The following MEPCE variants were observed in gnomAD, a reference collection of about 807,000 sequenced individuals.
The protein encoded by MEPCE is 7SK snRNA methylphosphate capping enzyme.
MEPCE carries 9 observed loss-of-function variants against 52.3 expected under a neutral mutation model. The ratio of observed to expected loss-of-function variants is 0.17; its 90% CI spans 0.10 to 0.30. The LOEUF is 0.30. Ranked by LOEUF, MEPCE falls within the 10% of genes least tolerant of loss-of-function variation. MEPCE has a pLI of 1.00. For synonymous variants in MEPCE, 477 were observed against 401.6 expected, an observed-to-expected ratio of 1.19 and a Z score of -2.25; for missense variants, 826 against 933.0, an observed-to-expected ratio of 0.89 and a Z score of 1.49.
In MEPCE at chr7:100,429,877, G is replaced by A; in HGVS notation, c.-142G>A. 1.5e-6 allele frequency: 1 copy of A among 664,894 alleles called. No individual in the cohort carries two copies. Among genetic ancestry groups the A allele is most frequent in the Non-Finnish European group, 2.1e-6 (1 of 470,322 alleles). 41.2% of individuals were successfully genotyped at this position (664,894 alleles called of 1,614,324 possible). On this transcript the variant is annotated 5_prime_UTR_variant, in exon 1 of 4. Coordinates refer to ENST00000310512, the MANE Select transcript of MEPCE (RefSeq NM_019606.6). Reference sequence around the variant, plus strand: ...CTAGTAGGGCGCACTTGGCGGGGAGGCGCTTGGGCGCGAGACTAGGCGTGA... The same window carrying A: ...CTAGTAGGGCGCACTTGGCGGGGAGACGCTTGGGCGCGAGACTAGGCGTGA...
Position 100,433,930 on chromosome 7 carries a change from G to A in MEPCE, c.*376G>A. 4.3e-6 allele frequency: 1 copy of A among 235,250 alleles called. No individual in the cohort carries two copies. Among genetic ancestry groups the A allele is most frequent in the Non-Finnish European group, 8.4e-6 (1 of 118,980 alleles). 14.6% of individuals were successfully genotyped at this position (235,250 alleles called of 1,614,324 possible). On this transcript the variant is annotated 3_prime_UTR_variant, in exon 4 of 4. Transcript: ENST00000310512. Reference sequence around the variant, plus strand: ...CATTTCTCCTCGGCCATTGTACCTAGCTCTTGTCCCTAGCTGCATTTCAGT... The same window carrying A: ...CATTTCTCCTCGGCCATTGTACCTAACTCTTGTCCCTAGCTGCATTTCAGT...
intron 3 of MEPCE, 26 bp from the exon 4 acceptor site, chr7:100,433,476 C>T (rs780958078): frequency 1.9e-6 from 3 of 1,613,994 alleles, no homozygotes; most frequent in African/African-American, 1.3e-5. Flanking sequence ...CTGCCAACCC[C>T]TTCTGATCAC....
At chr7:100,432,885 C>G (rs759340381) in intron 1 of MEPCE, 34 bp from the exon 2 acceptor site, 1 of 1,599,122 alleles carries the variant, frequency 6.3e-7, no homozygotes. Context: ...CTTTGATTCC[C>G]TCAGTTGACC....
chr7:100,430,532 C>T lies in MEPCE; in HGVS notation c.514C>T (p.Arg172Trp). The T allele has an allele frequency of 1.3e-6, 2 of 1,584,002 alleles. No homozygotes were observed. Among genetic ancestry groups the T allele is most frequent in the Non-Finnish European group, 1.7e-6 (2 of 1,164,508 alleles). The change falls in exon 1 of 4, where the codon CGG (arginine) becomes TGG (tryptophan). Residue 172 changes from arginine (R) to tryptophan (W), a missense_variant. Physicochemically the swap from Arg to Trp is moderately radical, Grantham distance 101. This residue lies in a region of MEPCE where 314 missense variants were observed against 277.7 expected (regional missense o/e 1.13). Coordinates refer to ENST00000310512, the MANE Select transcript of MEPCE (RefSeq NM_019606.6). The part of the protein sequence containing the change: ...FKHPAFKRRR[R>W]VNSDCDSVLP... ...ACATCCGGCCTTCAAGAGGCGCAGGCGGGTGAATTCGGACTGTGACTCTGT... is the reference window on the plus strand; with the variant it reads ...ACATCCGGCCTTCAAGAGGCGCAGGTGGGTGAATTCGGACTGTGACTCTGT...
chr7:100,430,032 C>T lies in MEPCE; in HGVS notation c.14C>T (p.Ala5Val). 1 of 1,271,384 alleles carries T rather than the reference C, an allele frequency of 7.9e-7. No homozygotes were observed. Among genetic ancestry groups the T allele is most frequent in the Non-Finnish European group, 9.9e-7 (1 of 1,009,222 alleles). 78.8% of individuals were successfully genotyped at this position (1,271,384 alleles called of 1,614,324 possible). A position where few individuals can be genotyped will look rare whatever the true frequency, so the allele number is the denominator to read the frequency against. The change falls in exon 1 of 4, where the codon GCG becomes GTG. Residue 5 changes from alanine (A) to valine (V), a missense_variant. Physicochemically the swap from Ala to Val is moderately conservative, Grantham distance 64. Coordinates refer to ENST00000310512, the MANE Select transcript of MEPCE (RefSeq NM_019606.6). ...TAAGGGGAGGAAATGATCGAGATGG[C>T]GGCGGAGAAGGAGCCGTTTCTGGTG... MIEMAAEKEPFLVPA... is the reference protein window; with the variant it reads MIEMVAEKEPFLVPA...
In MEPCE at chr7:100,431,156, G is replaced by A; in HGVS notation, c.1138G>A (p.Gly380Ser). 1 of 1,613,706 alleles carries A rather than the reference G, an allele frequency of 6.2e-7. No individual in the cohort carries two copies. The highest frequency in any genetic ancestry group is 8.5e-7 in the Non-Finnish European group (1 of 1,180,036). Reference protein sequence around the residue: ...SKSEAGARGGGQGSKEKGRGS... With the variant: ...SKSEAGARGGSQGSKEKGRGS... ...GTCGGAGGCAGGGGCTAGGGGTGGAGGCCAGGGTTCCAAGGAAAAGGGCCG... is the reference window on the plus strand; with the variant it reads ...GTCGGAGGCAGGGGCTAGGGGTGGAAGCCAGGGTTCCAAGGAAAAGGGCCG... The change falls in exon 1 of 4, where the codon GGC becomes AGC. Residue 380 changes from glycine to serine, a missense_variant. By Grantham distance (56) the Gly-to-Ser change is moderately conservative (BLOSUM62 0). This residue lies in a region of MEPCE where 307 missense variants were observed against 292.1 expected (regional missense o/e 1.05). Coordinates refer to ENST00000310512, the MANE Select transcript of MEPCE (RefSeq NM_019606.6).
upstream of MEPCE, chr7:100,429,321 A>G (rs1798381483): frequency 6.6e-6 from 1 of 152,188 alleles, no homozygotes; most frequent in Non-Finnish European, 1.5e-5. Context: ...CGCCAGTTTC[A>G]GCACGTGCTG....
Position 100,429,990 on chromosome 7 carries a change from C to T in MEPCE, c.-29C>T, listed in dbSNP as rs1052535137. 5.6e-6 allele frequency: 7 copies of T among 1,243,124 alleles called. No homozygotes were observed. The Middle Eastern group carries it at 6.6e-4, about 117-fold the overall frequency. The allele number at this position is 1,243,124 out of a possible 1,614,324, so 77.0% of individuals were successfully genotyped here. A position where few individuals can be genotyped will look rare whatever the true frequency, so the allele number is the denominator to read the frequency against. The stretch of plus-strand genomic sequence containing the variant: ...TTAGGCCCCCTGATCCCCCTCGTTA[C>T]CCCGACTGGCACGGAATAAGGGGAG... On this transcript the variant is annotated 5_prime_UTR_variant, in exon 1 of 4. Coordinates refer to ENST00000310512, the MANE Select transcript of MEPCE (RefSeq NM_019606.6).
chr7:100,433,780 C>T lies in MEPCE; in HGVS notation c.*226C>T, dbSNP rs1282484184. 3.4e-6 allele frequency: 2 copies of T among 581,386 alleles called. No individual in the cohort carries two copies. Among genetic ancestry groups the T allele is most frequent in the African/African-American group, 1.9e-5 (1 of 53,658 alleles). 36.0% of individuals were successfully genotyped at this position (581,386 alleles called of 1,614,324 possible). A position where few individuals can be genotyped will look rare whatever the true frequency, so the allele number is the denominator to read the frequency against. On this transcript the variant is annotated 3_prime_UTR_variant, in exon 4 of 4. Transcript: ENST00000310512. Reference sequence around the variant, plus strand: ...GCTGGAGTCACCATCATCTTCCTCTCCCCCAGCCTCCCAGGCTGGATGGCA... The same window carrying T: ...GCTGGAGTCACCATCATCTTCCTCTTCCCCAGCCTCCCAGGCTGGATGGCA...
chr7:100,430,962 C>T lies in MEPCE; in HGVS notation c.944C>T (p.Pro315Leu). The change falls in exon 1 of 4, where the codon CCC becomes CTC. Residue 315 changes from proline (P) to leucine (L), a missense_variant. Transcript: ENST00000310512. ...GGCCAGAACCGGGATGCCCCCCAAC[C>T]CTATGAACTCAACACAGCCATCAAC... is the stretch of plus-strand genomic sequence containing the variant. Reference protein sequence around the residue: ...HRGQNRDAPQPYELNTAINCR... With the variant: ...HRGQNRDAPQLYELNTAINCR... 1.9e-6 allele frequency: 3 copies of T among 1,610,292 alleles called. No individual in the cohort carries two copies. The highest frequency in any genetic ancestry group is 2.5e-6 in the Non-Finnish European group (3 of 1,177,718).
In MEPCE at chr7:100,433,038, G is replaced by A. The variant is rs564051969; in HGVS notation, c.1791G>A (p.Lys597=). The change falls in exon 2 of 4, where the codon AAG becomes AAA. Residue 597 remains lysine, a synonymous_variant. Coordinates refer to ENST00000310512, the MANE Select transcript of MEPCE (RefSeq NM_019606.6). ...TGAACTGGGGAGACGAGGGCCTGAA[G>A]CGCATGTTTCGCCGGATCTACCGGC... ...VHLNWGDEGL[K]RMFRRIYRHL... 5.0e-6 allele frequency: 8 copies of A among 1,614,050 alleles called. No individual in the cohort carries two copies. In the African/African-American group the frequency reaches 5.3e-5, roughly 11 times the overall value.
upstream of MEPCE, chr7:100,429,680 A>T (rs1798465481): frequency 3.9e-6 from 1 of 254,838 alleles, no homozygotes; most frequent in Non-Finnish European, 7.5e-6. Context: ...ATGCGCGCGC[A>T]ACCAGGGTGG....
intron 1 of MEPCE, 91 bp from the exon 2 acceptor site, chr7:100,432,828 C>T (rs1284993384): frequency 1.1e-5 from 13 of 1,169,508 alleles, no homozygotes; most frequent in South Asian, 2.6e-5. Context: ...AAAGTGAGGC[C>T]GCGGGACTGT....
Position 100,430,348 on chromosome 7 carries a change from G to A in MEPCE, c.330G>A (p.Pro110=). The part of the protein sequence containing the change: ...LSDPPGRAAP[P]DVGEERRGGG... ...ATCCCCCGGGGCGAGCCGCTCCCCCGGACGTGGGGGAGGAGCGCCGGGGAG... is the reference window on the plus strand; with the variant it reads ...ATCCCCCGGGGCGAGCCGCTCCCCCAGACGTGGGGGAGGAGCGCCGGGGAG... The change falls in exon 1 of 4, where the codon CCG becomes CCA. Residue 110 remains proline, a synonymous_variant. Transcript: ENST00000310512. 2 of 1,429,210 alleles carry A rather than the reference G, an allele frequency of 1.4e-6. No individual in the cohort carries two copies. The highest frequency in any genetic ancestry group is 1.8e-6 in the Non-Finnish European group (2 of 1,094,356). The allele number at this position is 1,429,210 out of a possible 1,614,324, so 88.5% of individuals were successfully genotyped here.
chr7:100,429,731 C>T (rs1306356702), upstream of MEPCE: 8 of 335,998 alleles, frequency 2.4e-5, no homozygotes, highest in East Asian at 3.5e-4. Flanking sequence ...GAAGGGAACG[C>T]GCGCTCACCG....
chr7:100,432,701 T>G (rs552201436), intron 1 of MEPCE, among the ~76,000 whole-genome samples: 1 of 152,326 alleles, frequency 6.6e-6, no homozygotes, highest in African/African-American at 2.4e-5. Flanking sequence ...CGTCGACCTT[T>G]TTTGGCTTAC....
chr7:100,432,806 TGGCCACGGGCTAAAGTGA>T (rs1380995776), intron 1 of MEPCE, 95 bp from the exon 2 acceptor site: 20 of 912,184 alleles, frequency 2.2e-5, no homozygotes, highest in Non-Finnish European at 3.3e-5. Context: ...GAGAAGAAAG[TGGCCACGGGCTAAAGTGA>T]GGCCGCGGGA....
rs747008637 is a variant in MEPCE at position 100,430,947 on chromosome 7, G to A, written c.929G>A (p.Arg310Gln). The A allele has an allele frequency of 2.5e-6, 4 of 1,608,388 alleles. No homozygotes were observed. The highest frequency in any genetic ancestry group is 2.5e-6 in the Non-Finnish European group (3 of 1,176,480). The change falls in exon 1 of 4, where the codon CGG becomes CAG. Residue 310 changes from arginine to glutamine, a missense_variant. By Grantham distance (43) the Arg-to-Gln change is conservative. Transcript: ENST00000310512. ...SQQPRHRGQNRDAPQPYELNT... is the reference protein window; with the variant it reads ...SQQPRHRGQNQDAPQPYELNT... ...CAGCCGCGGCACAGGGGCCAGAACC[G>A]GGATGCCCCCCAACCCTATGAACTC...
chr7:100,429,969 G>GC lies in MEPCE; in HGVS notation c.-45dup, dbSNP rs1343394052. The GC allele has an allele frequency of 1.7e-6, 2 of 1,204,536 alleles. No individual in the cohort carries two copies. Among genetic ancestry groups the GC allele is most frequent in the Non-Finnish European group, 2.1e-6 (2 of 958,962 alleles). The allele number at this position is 1,204,536 out of a possible 1,614,324, so 74.6% of individuals were successfully genotyped here. The stretch of plus-strand genomic sequence containing the variant: ...GCAGGGTCCAGGCAGGGGGGGTTAG[G>GC]CCCCCTGATCCCCCTCGTTACCCCG... On this transcript the variant is annotated 5_prime_UTR_variant, in exon 1 of 4. Coordinates refer to ENST00000310512, the MANE Select transcript of MEPCE (RefSeq NM_019606.6).
Sources: allele counts gnomAD v4.1 joint callset (sites outside exome capture counted in the v4.1 genomes callset), GRCh38; gene constraint gnomAD v4.1.1; regional missense constraint gnomAD v4.1.1; transcripts MANE v1.5; gene names NCBI Gene and HGNC (gene_info 2026-07-23, HGNC 2026-07-21).